NOTCH2NLR: variants seen among roughly 807,000 people sequenced by gnomAD.
NOTCH2NLR encodes notch 2 N-terminal like R (pseudogene).
Under a neutral mutation model 35.6 loss-of-function variants are expected in NOTCH2NLR, and 33 were observed. The ratio of observed to expected loss-of-function variants is 0.93; its 90% CI spans 0.70 to 1.24. The LOEUF is 1.24. Ranked by LOEUF, NOTCH2NLR falls within the 50% of genes most tolerant of loss-of-function variation. The pLI is 0.00. For missense variants in NOTCH2NLR, 276 were observed against 362.2 expected, an observed-to-expected ratio of 0.76 and a Z score of 1.93; for synonymous variants, 103 against 141.0, an observed-to-expected ratio of 0.73 and a Z score of 1.91.
chr1:120,789,954 C>T, intron 3 of NOTCH2NLR, among the ~76,000 whole-genome samples: 1 of 79,582 alleles, frequency 1.3e-5, no homozygotes, highest in Admixed American at 1.2e-4. Context: ...ATTAAAACTT[C>T]TTCCTTGTTG....
At chr1:120,728,004 A>G (rs1650834297) in intron 1 of NOTCH2NLR, among the ~76,000 whole-genome samples, 3 of 119,074 alleles carry the variant, frequency 2.5e-5, no homozygotes, top group East Asian at 2.1e-4. Flanking sequence ...TCTGATGTTC[A>G]TTGTTCATGG....
At chr1:120,765,252 G>T (rs1345296748) in intron 2 of NOTCH2NLR, among the ~76,000 whole-genome samples, 8 of 98,154 alleles carry the variant, frequency 8.2e-5, no homozygotes, top group Non-Finnish European at 1.5e-4. Context: ...CTTAGAGTAG[G>T]CCACTGAAAT....
exon 3 of NOTCH2NLR, chr1:120,785,181 C>T: frequency 1.4e-6 from 2 of 1,445,462 alleles, no homozygotes; most frequent in Non-Finnish European, 1.8e-6. Flanking sequence ...GCGGCACATG[C>T]CATATGCTCA....
chr1:120,756,658 A>T (rs1376093986), intron 1 of NOTCH2NLR, among the ~76,000 whole-genome samples: 1 of 118,204 alleles, frequency 8.5e-6, no homozygotes, highest in Non-Finnish European at 1.6e-5. Flanking sequence ...TACAGACTTA[A>T]TTACTCATGT....
In NOTCH2NLR at chr1:120,729,859, TG is replaced by T. The variant is rs1333144176; in HGVS notation, c.73+5612del. On this transcript the variant is annotated intron_variant, in intron 1 of 4. Transcript: ENST00000624419. ...TTTTAGAATCACTGCAGAGTGAATC[TG>T]GGAAATCAAAGTGTTTGTTTTTGTT... 1.9e-5 allele frequency among the ~76,000 whole-genome samples: 2 copies of T among 107,596 alleles called. 1 individual carries two copies. Among genetic ancestry groups the T allele is most frequent in the Non-Finnish European group, 3.5e-5 (2 of 57,120 alleles). The allele number at this position is 107,596 out of a possible 152,430, so 70.6% of individuals were successfully genotyped here. A position where few individuals can be genotyped will look rare whatever the true frequency, so the allele number is the denominator to read the frequency against.
In NOTCH2NLR at chr1:120,779,675, T is replaced by C. The variant is rs1428775929; in HGVS notation, c.156-5299T>C. Among the ~76,000 whole-genome samples the C allele has an allele frequency of 8.1e-5, 10 of 123,034 alleles. 1 individual carries two copies. The highest frequency in any genetic ancestry group is 7.8e-4 in the Admixed American group (10 of 12,780). 80.7% of individuals were successfully genotyped at this position (123,034 alleles called of 152,430 possible). Reference sequence around the variant, plus strand: ...CCAAAATGTGTGCTGGGTAGCTTAATGGAATTATAGATATGTAAGGGGTGT... The same window carrying C: ...CCAAAATGTGTGCTGGGTAGCTTAACGGAATTATAGATATGTAAGGGGTGT... On this transcript the variant is annotated intron_variant, in intron 2 of 4. Coordinates refer to ENST00000624419, the Ensembl canonical transcript of NOTCH2NLR.
intron 1 of NOTCH2NLR, among the ~76,000 whole-genome samples, chr1:120,752,554 ATTTTTTT>A (rs1188849971): frequency 1.3e-3 from 5 of 3,746 alleles, no homozygotes; most frequent in East Asian, 9.6e-3. Context: ...ATATATATAT[ATTTTTTT>A]TTTTTTTTTT....
chr1:120,789,487 G>C, intron 3 of NOTCH2NLR, among the ~76,000 whole-genome samples: 1 of 114,318 alleles, frequency 8.7e-6, no homozygotes. Context: ...AGAAAATTAG[G>C]AAGAAGCAAA....
chr1:120,784,388 A>G (rs1337559889), intron 2 of NOTCH2NLR, among the ~76,000 whole-genome samples: 2 of 116,306 alleles, frequency 1.7e-5, no homozygotes, highest in East Asian at 4.3e-4. Context: ...TCCCAGTTAC[A>G]GCTCTCATCT....
chr1:120,785,175 C>T lies in NOTCH2NLR; in HGVS notation c.357C>T (p.Gly119=). The change falls in exon 3 of 5, where the codon GGC becomes GGT. Residue 119 remains glycine (G), a synonymous_variant. Coordinates refer to ENST00000624419, the Ensembl canonical transcript of NOTCH2NLR. ...TGTCTCGACCTTGCCTGAATGGCGGCACATGCCATATGCTCAGCCGGGATA... is the reference window on the plus strand; with the variant it reads ...TGTCTCGACCTTGCCTGAATGGCGGTACATGCCATATGCTCAGCCGGGATA... 1.2e-5 allele frequency: 18 copies of T among 1,445,434 alleles called. 5 individuals are homozygous for T. In the South Asian group the frequency reaches 2.2e-4, roughly 17 times the overall value. The allele number at this position is 1,445,434 out of a possible 1,614,324, so 89.5% of individuals were successfully genotyped here.
At chr1:120,778,590 G>T (rs1182345367) in intron 2 of NOTCH2NLR, among the ~76,000 whole-genome samples, 3 of 24,364 alleles carry the variant, frequency 1.2e-4, no homozygotes, top group African/African-American at 5.7e-4. Context: ...GTTTTTTTTT[G>T]AATGGCCAAA....
chr1:120,764,788 A>T (rs1282115740), intron 2 of NOTCH2NLR, among the ~76,000 whole-genome samples: 1 of 104,828 alleles, frequency 9.5e-6, no homozygotes, highest in Non-Finnish European at 1.8e-5. Context: ...GGAGAAATAA[A>T]ATTTGGTAAT....
At position 120,792,506 on chromosome 1, in the gene NOTCH2NLR, AT is replaced by A. The variant is rs1281049564; in HGVS notation, c.416-642del. Among the ~76,000 whole-genome samples the A allele has an allele frequency of 1.4e-3, 146 of 101,324 alleles. 5 individuals carry two copies. Among genetic ancestry groups the A allele is most frequent in the Admixed American group, 1.5e-3 (16 of 10,518 alleles). The allele number at this position is 101,324 out of a possible 152,430, so 66.5% of individuals were successfully genotyped here. On this transcript the variant is annotated intron_variant, in intron 3 of 4. Transcript: ENST00000624419. ...CACTAGGAAAACAGAAGGGAAGTTG[AT>A]TTTTTTTTTTTTGAAATAGAGTCTT...
At position 120,790,265 on chromosome 1, in the gene NOTCH2NLR, C is replaced by T. The variant is rs1221438869; in HGVS notation, c.416-2896C>T. The stretch of plus-strand genomic sequence containing the variant: ...GCCTGACCTCATGATCCACCCGCCT[C>T]GGCCTCCCAAAGTGCTGGGATTACA... On this transcript the variant is annotated intron_variant, in intron 3 of 4. Transcript: ENST00000624419. Among the ~76,000 whole-genome samples, 11 of 109,120 alleles carry T rather than the reference C, an allele frequency of 1.0e-4. 1 individual carries two copies. In the East Asian group the frequency reaches 1.3e-3, roughly 13 times the overall value. 71.6% of individuals were successfully genotyped at this position (109,120 alleles called of 152,430 possible). A position where few individuals can be genotyped will look rare whatever the true frequency, so the allele number is the denominator to read the frequency against.
rs1164850843 is a variant in NOTCH2NLR at position 120,783,667 on chromosome 1, A to T, written c.156-1307A>T. Among the ~76,000 whole-genome samples, 5 of 113,576 alleles carry T rather than the reference A, an allele frequency of 4.4e-5. 2 individuals are homozygous for T. Among genetic ancestry groups the T allele is most frequent in the African/African-American group, 2.7e-4 (5 of 18,844 alleles). 74.5% of individuals were successfully genotyped at this position (113,576 alleles called of 152,430 possible). A position where few individuals can be genotyped will look rare whatever the true frequency, so the allele number is the denominator to read the frequency against. ...ATTTTGGAGTCAGTTACAGGAAGGA[A>T]GTTGTTTAAAACCAAGTGAACAACA... On this transcript the variant is annotated intron_variant, in intron 2 of 4. Transcript: ENST00000624419.
rs1284633047 is a variant in NOTCH2NLR, at chr1:120,784,753, G to A, written c.156-221G>A. Among the ~76,000 whole-genome samples, 2 of 118,100 alleles carry A rather than the reference G, an allele frequency of 1.7e-5. 1 individual carries two copies. The highest frequency in any genetic ancestry group is 9.8e-5 in the African/African-American group (2 of 20,344). 77.5% of individuals were successfully genotyped at this position (118,100 alleles called of 152,430 possible). The stretch of plus-strand genomic sequence containing the variant: ...AGCTATTAGAATGTAAACTCCAAGA[G>A]TGTAAGAATTTTTCTGCCAGGACTC... On this transcript the variant is annotated intron_variant, in intron 2 of 4. Transcript: ENST00000624419.
In NOTCH2NLR at chr1:120,724,286, C is replaced by T. The variant is rs1260427747; in HGVS notation, c.73+36C>T. On this transcript the variant is annotated intron_variant, in intron 1 of 4. Coordinates refer to ENST00000624419, the Ensembl canonical transcript of NOTCH2NLR. ...GGCTGAGGGGCGCTGTCCGCGGCGC[C>T]CGGGGCTGCCACCTGGGGCGACCCT... The T allele has an allele frequency of 4.4e-6, 6 of 1,373,502 alleles. 2 individuals carry two copies. Among genetic ancestry groups the T allele is most frequent in the Non-Finnish European group, 5.7e-6 (6 of 1,053,032 alleles). 85.1% of individuals were successfully genotyped at this position (1,373,502 alleles called of 1,614,324 possible).
chr1:120,776,365 G>A (rs1651306745), intron 2 of NOTCH2NLR, among the ~76,000 whole-genome samples: 1 of 75,074 alleles, frequency 1.3e-5, no homozygotes, highest in East Asian at 3.2e-4. Context: ...TGAACAGCGT[G>A]TACAGAGGTC....
In NOTCH2NLR at chr1:120,756,140, C is replaced by T. The variant is rs1350095770; in HGVS notation, c.74-7488C>T. On this transcript the variant is annotated intron_variant, in intron 1 of 4. Transcript: ENST00000624419. ...GAAAGTTTTGTTTGAAATTGCAGGG[C>T]GCTATGAGAATTATTGCAAATCCCT... 7.1e-5 allele frequency among the ~76,000 whole-genome samples: 8 copies of T among 113,174 alleles called. 1 individual carries two copies. Among genetic ancestry groups the T allele is most frequent in the Non-Finnish European group, 1.0e-4 (6 of 59,960 alleles). The allele number at this position is 113,174 out of a possible 152,430, so 74.2% of individuals were successfully genotyped here.
Sources: allele counts gnomAD v4.1 joint callset (sites outside exome capture counted in the v4.1 genomes callset), GRCh38; gene constraint gnomAD v4.1.1; transcripts MANE v1.5; gene names NCBI Gene and HGNC (gene_info 2026-07-23, HGNC 2026-07-21).